The following CTDSPL2 variants were observed in gnomAD, a reference collection of about 807,000 sequenced individuals.
The protein encoded by CTDSPL2 is CTD small phosphatase like 2, also known as CTD small phosphatase-like protein 2.
In CTDSPL2, 5 loss-of-function variants were observed where a neutral mutation model predicts 60.0. The ratio of observed to expected loss-of-function variants is 0.08; its 90% CI spans 0.04 to 0.18. The LOEUF (loss-of-function observed/expected upper bound fraction) is 0.18. CTDSPL2 is among the 10% of genes least tolerant of loss of function. The pLI is 1.00. For synonymous variants in CTDSPL2, 186 were observed against 189.3 expected, an observed-to-expected ratio of 0.98 and a Z score of 0.14; for missense variants, 370 against 548.8, an observed-to-expected ratio of 0.67 and a Z score of 3.26.
intron 1 of CTDSPL2, among the ~76,000 whole-genome samples, chr15:44,439,411 C>T (rs932412025): frequency 9.9e-5 from 15 of 152,008 alleles, no homozygotes; most frequent in Admixed American, 3.9e-4. Flanking sequence ...CATCCCCAGC[C>T]GGCCTCCCAA....
In CTDSPL2 at chr15:44,499,649, T is replaced by G. The variant is rs533533533; in HGVS notation, c.883-78T>G. On this transcript the variant is annotated intron_variant, in intron 7 of 12. Coordinates refer to ENST00000260327, the MANE Select transcript of CTDSPL2 (RefSeq NM_016396.3). ...CATATGAATGGGTGCTTTAGTGTTT[T>G]GGTGATTAAGGATAAAAGTATCCTT... The G allele has an allele frequency of 3.1e-4, 251 of 804,006 alleles. 1 individual carries two copies. Among genetic ancestry groups the G allele is most frequent in the Middle Eastern group, 2.3e-3 (6 of 2,660 alleles). 49.8% of individuals were successfully genotyped at this position (804,006 alleles called of 1,614,324 possible). A position where few individuals can be genotyped will look rare whatever the true frequency, so the allele number is the denominator to read the frequency against.
chr15:44,512,105 G>C (rs2081577744), intron 8 of CTDSPL2, among the ~76,000 whole-genome samples: 1 of 151,848 alleles, frequency 6.6e-6, no homozygotes, highest in South Asian at 2.1e-4. Context: ...GCTAAGACAG[G>C]AGGATCACTT....
At chr15:44,432,315 T>C (rs1038017988) in intron 1 of CTDSPL2, among the ~76,000 whole-genome samples, 6 of 149,796 alleles carry the variant, frequency 4.0e-5, no homozygotes, top group African/African-American at 1.5e-4. Context: ...ATTATTTTAT[T>C]ATTATTATTA....
At chr15:44,466,373 GA>G (rs1182190855) in intron 2 of CTDSPL2, among the ~76,000 whole-genome samples, 2 of 151,892 alleles carry the variant, frequency 1.3e-5, no homozygotes, top group East Asian at 1.9e-4. Context: ...ACTATGGAAT[GA>G]AAAAAAATCA....
chr15:44,432,484 TAA>T (rs2079880011), intron 1 of CTDSPL2, among the ~76,000 whole-genome samples: 1 of 151,992 alleles, frequency 6.6e-6, no homozygotes, highest in South Asian at 2.1e-4. Flanking sequence ...CATGCTCGGC[TAA>T]TTTTTGTATT....
chr15:44,505,921 C>T (rs945523691), intron 8 of CTDSPL2, among the ~76,000 whole-genome samples: 3 of 150,700 alleles, frequency 2.0e-5, no homozygotes, highest in African/African-American at 7.3e-5. Context: ...TTTGACTAAA[C>T]TTTTATTAAT....
intron 1 of CTDSPL2, among the ~76,000 whole-genome samples, chr15:44,446,594 C>T (rs1385811057): frequency 6.6e-6 from 1 of 151,708 alleles, no homozygotes; most frequent in Non-Finnish European, 1.5e-5. Context: ...AGAACCACTG[C>T]ACTCCAGCCT....
At chr15:44,494,615 A>C (rs1183416813) in intron 5 of CTDSPL2, among the ~76,000 whole-genome samples, 1 of 151,638 alleles carries the variant, frequency 6.6e-6, no homozygotes, top group African/African-American at 2.4e-5. Flanking sequence ...AAAAGGTTAA[A>C]AGAATAATTT....
In CTDSPL2 at chr15:44,528,269, A is replaced by G. The variant is rs987362322; in HGVS notation, c.*4095A>G. ...AGAATTACTCTGAGGAGCTTTTAAA[A>G]TAGATTCCTGGAGCCTACCCCTGGA... On this transcript the variant is annotated 3_prime_UTR_variant, in exon 13 of 13. Transcript: ENST00000260327. 26 of 152,046 alleles carry G rather than the reference A, an allele frequency of 1.7e-4. No individual in the cohort carries two copies. Among genetic ancestry groups the G allele is most frequent in the African/African-American group, 6.3e-4 (26 of 41,420 alleles). The allele number at this position is 152,046 out of a possible 1,614,324, so 9.4% of individuals were successfully genotyped here.
rs78815918 is a variant in CTDSPL2 at position 44,525,317 on chromosome 15, C to A, written c.*1143C>A. The A allele has an allele frequency of 1.8e-5, 7 of 398,384 alleles. No individual in the cohort carries two copies. The highest frequency in any genetic ancestry group is 1.3e-4 in the Admixed American group (3 of 22,726). The allele number at this position is 398,384 out of a possible 1,614,324, so 24.7% of individuals were successfully genotyped here. A position where few individuals can be genotyped will look rare whatever the true frequency, so the allele number is the denominator to read the frequency against. ...AAGCCACCAATGCAGTTAATATGCT[C>A]TCATAGTGGTTTTTCTATGCTATAT... On this transcript the variant is annotated 3_prime_UTR_variant, in exon 13 of 13. Coordinates refer to ENST00000260327, the MANE Select transcript of CTDSPL2 (RefSeq NM_016396.3).
In CTDSPL2 at chr15:44,526,136, T is replaced by C. The variant is rs1390383062; in HGVS notation, c.*1962T>C. 1 of 152,196 alleles carries C rather than the reference T, an allele frequency of 6.6e-6. No individual in the cohort carries two copies. Among genetic ancestry groups the C allele is most frequent in the Non-Finnish European group, 1.5e-5 (1 of 68,016 alleles). The allele number at this position is 152,196 out of a possible 1,614,324, so 9.4% of individuals were successfully genotyped here. A position where few individuals can be genotyped will look rare whatever the true frequency, so the allele number is the denominator to read the frequency against. ...GGCATCTGGGCATCTTTATGCTGTTTGTCTTCTGTCTTTCTTGAAATAAAA... is the reference window on the plus strand; with the variant it reads ...GGCATCTGGGCATCTTTATGCTGTTCGTCTTCTGTCTTTCTTGAAATAAAA... On this transcript the variant is annotated 3_prime_UTR_variant, in exon 13 of 13. Coordinates refer to ENST00000260327, the MANE Select transcript of CTDSPL2 (RefSeq NM_016396.3).
At chr15:44,479,056 C>CT (rs891563030) in intron 2 of CTDSPL2, among the ~76,000 whole-genome samples, 1 of 149,398 alleles carries the variant, frequency 6.7e-6, no homozygotes, top group African/African-American at 2.5e-5. Flanking sequence ...GTCTTCATTT[C>CT]TTTAAAAAAA....
chr15:44,513,682 C>G (rs2081604052), intron 8 of CTDSPL2, among the ~76,000 whole-genome samples: 1 of 152,098 alleles, frequency 6.6e-6, no homozygotes, highest in South Asian at 2.1e-4. Context: ...GAATCTAGTT[C>G]AATAAATACT....
Position 44,506,412 on chromosome 15 carries a change from CTTTTT to C in CTDSPL2, c.969+6616_969+6620del, listed in dbSNP as rs764238056. On this transcript the variant is annotated intron_variant, in intron 8 of 12. Coordinates refer to ENST00000260327, the MANE Select transcript of CTDSPL2 (RefSeq NM_016396.3). Reference sequence around the variant, plus strand: ...TAAGCTTCATTTTATCCTACTTTGACTTTTTTTTTTTTTTTTTTTTTGGAGGCATG... The same window carrying C: ...TAAGCTTCATTTTATCCTACTTTGACTTTTTTTTTTTTTTTTGGAGGCATG... 7.1e-5 allele frequency among the ~76,000 whole-genome samples: 8 copies of C among 112,388 alleles called. No homozygotes were observed. In the South Asian group the frequency reaches 1.2e-3, roughly 17 times the overall value. The allele number at this position is 112,388 out of a possible 152,430, so 73.7% of individuals were successfully genotyped here.
chr15:44,453,574 A>ACCCCCCCCCCCCCCCCCCC (rs2080373861), intron 1 of CTDSPL2, among the ~76,000 whole-genome samples: 1 of 44,574 alleles, frequency 2.2e-5, no homozygotes, highest in African/African-American at 8.6e-5. Flanking sequence ...TCCCTCCCCC[A>ACCCCCCCCCCCCCCCCCCC]TCCCCCCCAC....
chr15:44,483,803 A>G (rs1197377978), intron 2 of CTDSPL2, among the ~76,000 whole-genome samples: 2 of 152,034 alleles, frequency 1.3e-5, no homozygotes, highest in East Asian at 3.9e-4. Flanking sequence ...CCCACCCTCT[A>G]TTTTTGGGCT....
chr15:44,456,631 CTCTTT>C (rs1382631163), intron 1 of CTDSPL2, among the ~76,000 whole-genome samples: 2 of 152,052 alleles, frequency 1.3e-5, no homozygotes, highest in African/African-American at 4.8e-5. Context: ...TGATTCTTCT[CTCTTT>C]TCTTATTAGT....
In CTDSPL2 at chr15:44,491,004, A is replaced by G; in HGVS notation, c.691+5A>G. On this transcript the variant is annotated splice_donor_5th_base_variant and intron_variant, in intron 5 of 12. Transcript: ENST00000260327. Reference sequence around the variant, plus strand: ...GTGATATCCCACCCCTTACAGGTGAAGAAAATTTCTTTTCTTATACATCTT... The same window carrying G: ...GTGATATCCCACCCCTTACAGGTGAGGAAAATTTCTTTTCTTATACATCTT... 1 of 1,607,234 alleles carries G rather than the reference A, an allele frequency of 6.2e-7. No individual in the cohort carries two copies. The highest frequency in any genetic ancestry group is 8.5e-7 in the Non-Finnish European group (1 of 1,175,842).
intron 4 of CTDSPL2, 57 bp downstream of exon 4, chr15:44,486,757 G>GTTT: frequency 2.6e-6 from 3 of 1,173,316 alleles, no homozygotes; most frequent in Non-Finnish European, 3.6e-6. Context: ...GCATAGTTTG[G>GTTT]GTTTTTTTTT....
Sources: gnomAD v4.1 joint callset for allele counts (sites outside exome capture counted in the v4.1 genomes callset) on GRCh38, gnomAD v4.1.1 for gene constraint, MANE v1.5 for transcripts, NCBI Gene and HGNC (gene_info 2026-07-23, HGNC 2026-07-21) for gene names.